The following DCC variants were observed in gnomAD, a reference collection of about 807,000 sequenced individuals.
DCC encodes the protein DCC netrin 1 receptor.
In DCC, 58 loss-of-function variants were observed where a neutral mutation model predicts 172.5. The observed-to-expected ratio is 0.34, with a 90% CI of 0.27 to 0.42. The LOEUF (loss-of-function observed/expected upper bound fraction) is 0.42, where lower values mean the gene tolerates loss of function less well. DCC is among the 10% of genes least tolerant of loss of function. The probability of loss-of-function intolerance (pLI) is 1.00; values close to 1 mark genes in which losing one functional copy is unlikely to be tolerated. For synonymous variants in DCC, 709 were observed against 644.5 expected (o/e 1.10, Z -1.52); for missense variants, 1,740 against 1,791.0 (o/e 0.97, Z 0.51).
At chr18:52,691,024 G>A (rs1000486714) in intron 1 of DCC, among the ~76,000 whole-genome samples, 23 of 152,010 alleles carry the variant, frequency 1.5e-4, no homozygotes, top group African/African-American at 5.1e-4. Flanking sequence ...GTGCATAGAC[G>A]GATTTATTAA....
chr18:52,536,846 C>T (rs2032304211), intron 1 of DCC, among the ~76,000 whole-genome samples: 1 of 152,152 alleles, frequency 6.6e-6, no homozygotes, highest in South Asian at 2.1e-4. Flanking sequence ...TAAATTTTTG[C>T]AGAGAAGTTT....
intron 7 of DCC, among the ~76,000 whole-genome samples, chr18:53,087,074 G>T (rs2042924342): frequency 6.6e-6 from 1 of 151,906 alleles, no homozygotes; most frequent in Non-Finnish European, 1.5e-5. Flanking sequence ...GTGTGCATGT[G>T]TCTTTATAGC....
chr18:52,412,596 G>A (rs1352413633), intron 1 of DCC, among the ~76,000 whole-genome samples: 1 of 152,072 alleles, frequency 6.6e-6, no homozygotes, highest in Admixed American at 6.6e-5. Context: ...ACTGTGATCA[G>A]TATTAAGTAA....
intron 15 of DCC, among the ~76,000 whole-genome samples, chr18:53,355,080 G>A: frequency 6.6e-6 from 1 of 152,034 alleles, no homozygotes. Flanking sequence ...AGATCAGATG[G>A]TTGTAGATGT....
At position 52,418,676 on chromosome 18, in the gene DCC, C is replaced by T. The variant is rs965183227; in HGVS notation, c.91+77798C>T. Among the ~76,000 whole-genome samples, 11 of 152,220 alleles carry T rather than the reference C, an allele frequency of 7.2e-5. No individual in the cohort carries two copies. The East Asian group carries it at 2.1e-3, about 30-fold the overall frequency. ...TCCAACACATTCACAGGTGCAACCT[C>T]TCCCCCAGATTCTCCCCTGAGTTCA... On this transcript the variant is annotated intron_variant, in intron 1 of 28. Coordinates refer to ENST00000442544, the MANE Select transcript of DCC (RefSeq NM_005215.4).
chr18:52,562,959 A>G (rs2033073037), intron 1 of DCC, among the ~76,000 whole-genome samples: 1 of 152,064 alleles, frequency 6.6e-6, no homozygotes, highest in South Asian at 2.1e-4. Flanking sequence ...AACAGCAGAA[A>G]AATTGACTTC....
chr18:52,415,456 C>A (rs1986988890), intron 1 of DCC, among the ~76,000 whole-genome samples: 1 of 152,120 alleles, frequency 6.6e-6, no homozygotes, highest in Non-Finnish European at 1.5e-5. Flanking sequence ...GTGCATATAC[C>A]AACAGCAAGG....
At chr18:53,492,659 G>A (rs1331418543) in intron 26 of DCC, among the ~76,000 whole-genome samples, 1 of 152,130 alleles carries the variant, frequency 6.6e-6, no homozygotes, top group Non-Finnish European at 1.5e-5. Flanking sequence ...TGTTCTGTTG[G>A]TCTGTATATC....
At chr18:52,956,484 A>T (rs2040746520) in intron 5 of DCC, among the ~76,000 whole-genome samples, 2 of 151,998 alleles carry the variant, frequency 1.3e-5, no homozygotes, top group Non-Finnish European at 2.9e-5. Context: ...CTATAACCTT[A>T]TTTAGTTATA....
At position 53,320,318 on chromosome 18, in the gene DCC, C is replaced by T. The variant is rs1464577297; in HGVS notation, c.2054-1729C>T. Among the ~76,000 whole-genome samples, 6 of 152,142 alleles carry T rather than the reference C, an allele frequency of 3.9e-5. No homozygotes were observed. The East Asian group carries it at 7.7e-4, about 20-fold the overall frequency. ...CGATCTCCTGACTTTGTGATCCGCC[C>T]GCCTCGGCCTCCCAAAGTGCTGGGA... On this transcript the variant is annotated intron_variant, in intron 13 of 28. Transcript: ENST00000442544.
rs148452237 is a variant in DCC, at chr18:53,473,419, A to G, written c.3736+5409A>G. On this transcript the variant is annotated intron_variant, in intron 25 of 28. Coordinates refer to ENST00000442544, the MANE Select transcript of DCC (RefSeq NM_005215.4). ...CCTTCCTTATGTTTGTAACACATCA[A>G]TGTTTGGAGAGCTCTTTTTTTGTCA... is the stretch of plus-strand genomic sequence containing the variant. 4.8e-3 allele frequency among the ~76,000 whole-genome samples: 732 copies of G among 152,330 alleles called. 5 individuals are homozygous for G. The highest frequency in any genetic ancestry group is 0.014 in the African/African-American group (601 of 41,586).
At chr18:52,872,295 A>T (rs2039333084) in intron 2 of DCC, among the ~76,000 whole-genome samples, 1 of 152,116 alleles carries the variant, frequency 6.6e-6, no homozygotes, top group Non-Finnish European at 1.5e-5. Context: ...TTTAGATGAA[A>T]TCTCACAGGT....
chr18:53,230,759 A>G (rs972836116), intron 12 of DCC, among the ~76,000 whole-genome samples: 1 of 152,030 alleles, frequency 6.6e-6, no homozygotes, highest in African/African-American at 2.4e-5. Context: ...GTATTTACAA[A>G]TTCCATAGAT....
chr18:52,411,185 G>A (rs182210268), intron 1 of DCC, among the ~76,000 whole-genome samples: 87 of 152,136 alleles, frequency 5.7e-4, no homozygotes, highest in African/African-American at 2.0e-3. Flanking sequence ...TTTCATATGC[G>A]GACTGCTTTA....
At chr18:52,441,415 T>C (rs1210998264) in intron 1 of DCC, among the ~76,000 whole-genome samples, 1 of 152,172 alleles carries the variant, frequency 6.6e-6, no homozygotes, top group African/African-American at 2.4e-5. Flanking sequence ...GTCTATGAAG[T>C]GTTGTTATGG....
intron 27 of DCC, among the ~76,000 whole-genome samples, chr18:53,505,893 T>TAACTA: frequency 6.6e-6 from 1 of 152,216 alleles, no homozygotes; most frequent in East Asian, 1.9e-4. Flanking sequence ...GTCACATGGT[T>TAACTA]AACTACTGCT....
chr18:53,029,659 C>T (rs2042001573), intron 5 of DCC, among the ~76,000 whole-genome samples: 2 of 152,012 alleles, frequency 1.3e-5, no homozygotes, highest in South Asian at 2.1e-4. Flanking sequence ...AGAGGTGCAT[C>T]ATATATCATA....
At chr18:52,686,054 G>C (rs1313150278) in intron 1 of DCC, among the ~76,000 whole-genome samples, 1 of 152,034 alleles carries the variant, frequency 6.6e-6, no homozygotes, top group Non-Finnish European at 1.5e-5. Context: ...ACACTCAGAG[G>C]GTCTTTGATG....
chr18:53,207,933 A>G (rs1439913798), intron 11 of DCC, 116 bp downstream of exon 11: 11 of 924,498 alleles, frequency 1.2e-5, no homozygotes, highest in Non-Finnish European at 1.8e-5. Flanking sequence ...CTAAAATTTT[A>G]TGGACTATTA....
Sources: gnomAD v4.1 joint callset for allele counts (sites outside exome capture counted in the v4.1 genomes callset) on GRCh38, gnomAD v4.1.1 for gene constraint, MANE v1.5 for transcripts, NCBI Gene and HGNC (gene_info 2026-07-23, HGNC 2026-07-21) for gene names.